Variants in BMPR1B observed in about 807,000 individuals in gnomAD.
BMPR1B encodes the protein bone morphogenetic protein receptor type 1B, also known as bone morphogenetic protein receptor type-1B.
BMPR1B carries 12 observed loss-of-function variants against 59.1 expected under a neutral mutation model. The ratio of observed to expected loss-of-function variants is 0.20; its 90% confidence interval spans 0.13 to 0.33. The LOEUF is 0.33. Among genes scored for constraint, BMPR1B ranks in the 10% least tolerant of loss-of-function variants. The pLI, the probability that BMPR1B is intolerant of heterozygous loss-of-function variation, is 1.00. For synonymous variants in BMPR1B, 237 were observed against 207.3 expected (o/e 1.14, Z -1.23); for missense variants, 550 against 610.9 (o/e 0.90, Z 1.05).
rs533134982 is a variant in BMPR1B at position 94,925,928 on chromosome 4, A to T, written c.-113+50028A>T. Among the ~76,000 whole-genome samples the T allele has an allele frequency of 5.9e-5, 9 of 152,106 alleles. No homozygotes were observed. In the South Asian group the frequency reaches 1.9e-3, roughly 32 times the overall value. ...TTTCAGCAATCCAATTTCACGCAGCAAAGATTACCTGCAAGGCACACATTT... is the reference window on the plus strand; with the variant it reads ...TTTCAGCAATCCAATTTCACGCAGCTAAGATTACCTGCAAGGCACACATTT... On this transcript the variant is annotated intron_variant, in intron 2 of 12. Transcript: ENST00000515059.
At chr4:95,138,047 G>C (rs967368436) in intron 10 of BMPR1B, among the ~76,000 whole-genome samples, 35 of 152,190 alleles carry the variant, frequency 2.3e-4, no homozygotes, top group Non-Finnish European at 4.7e-4. Context: ...GCTGCTACCG[G>C]TTGTTCCTTT....
intron 2 of BMPR1B, among the ~76,000 whole-genome samples, chr4:94,918,776 A>G (rs1728582247): frequency 6.6e-6 from 1 of 151,690 alleles, no homozygotes; most frequent in Non-Finnish European, 1.5e-5. Context: ...AATTCTCTTT[A>G]GTGTAACTAT....
intron 2 of BMPR1B, among the ~76,000 whole-genome samples, chr4:94,951,428 T>C (rs1486081437): frequency 1.3e-5 from 2 of 152,202 alleles, no homozygotes; most frequent in Admixed American, 6.5e-5. Flanking sequence ...ATAGCTCTTA[T>C]TATTTTGAGA....
intron 2 of BMPR1B, among the ~76,000 whole-genome samples, chr4:94,985,509 CTGTG>C (rs60003954): frequency 0.046 from 6,356 of 138,698 alleles, 266 homozygotes; most frequent in African/African-American, 0.1. Flanking sequence ...AAAATAAGAG[CTGTG>C]TGTGTGTGTG....
intron 10 of BMPR1B, among the ~76,000 whole-genome samples, chr4:95,143,622 G>A (rs1419787534): frequency 1.3e-5 from 2 of 152,100 alleles, no homozygotes; most frequent in Non-Finnish European, 2.9e-5. Flanking sequence ...CACCATGCTG[G>A]CATTTTCTAT....
intron 2 of BMPR1B, among the ~76,000 whole-genome samples, chr4:94,956,231 T>A (rs531392022): frequency 1.3e-4 from 20 of 152,220 alleles, no homozygotes; most frequent in Admixed American, 3.9e-4. Context: ...TTCTTTTTTT[T>A]AATTTTTAAT....
chr4:94,814,509 T>C (rs1723937591), intron 1 of BMPR1B, among the ~76,000 whole-genome samples: 1 of 152,204 alleles, frequency 6.6e-6, no homozygotes, highest in African/African-American at 2.4e-5. Flanking sequence ...TCTGCAATCA[T>C]GGGTTGGCTG....
chr4:94,857,191 A>G (rs1211929387), intron 1 of BMPR1B, among the ~76,000 whole-genome samples: 1 of 152,194 alleles, frequency 6.6e-6, no homozygotes, highest in African/African-American at 2.4e-5. Flanking sequence ...TAAAATATGA[A>G]AAAAAGGCCT....
chr4:94,902,086 T>TGG (rs745912953), intron 2 of BMPR1B, among the ~76,000 whole-genome samples: 11 of 111,982 alleles, frequency 9.8e-5, no homozygotes, highest in African/African-American at 2.0e-4. Flanking sequence ...TGTGTGTGTG[T>TGG]GGGGTGTATT....
chr4:94,784,714 C>G (rs1722701703), intron 1 of BMPR1B, among the ~76,000 whole-genome samples: 1 of 152,080 alleles, frequency 6.6e-6, no homozygotes, highest in African/African-American at 2.4e-5. Flanking sequence ...ATTTCTCTGC[C>G]CAGATTCATT....
At chr4:95,059,638 AC>A (rs1476755536) in intron 3 of BMPR1B, among the ~76,000 whole-genome samples, 2 of 151,690 alleles carry the variant, frequency 1.3e-5, no homozygotes, top group African/African-American at 4.8e-5. Flanking sequence ...GGTAAAAAAA[AC>A]AATTTTCTAT....
At chr4:94,836,476 T>A (rs1338786083) in intron 1 of BMPR1B, among the ~76,000 whole-genome samples, 79 of 144,318 alleles carry the variant, frequency 5.5e-4, no homozygotes, top group African/African-American at 1.9e-3. Flanking sequence ...GGTATCTCAT[T>A]GTGGTTTTGA....
intron 1 of BMPR1B, among the ~76,000 whole-genome samples, chr4:94,840,256 C>T (rs12381250): frequency 0.5 from 72,030 of 143,040 alleles, 19,628 homozygotes; most frequent in African/African-American, 0.69. Context: ...TTGCTCTTCT[C>T]GAGGAGTATC....
intron 3 of BMPR1B, among the ~76,000 whole-genome samples, chr4:95,100,840 C>T (rs754328297): frequency 2.6e-5 from 4 of 151,980 alleles, no homozygotes; most frequent in Non-Finnish European, 4.4e-5. Context: ...TTTATAGCAA[C>T]GTGTTCTTGT....
At position 94,820,636 on chromosome 4, in the gene BMPR1B, C is replaced by T. The variant is rs1560500367; in HGVS notation, c.-182-55195C>T. Among the ~76,000 whole-genome samples the T allele has an allele frequency of 4.6e-5, 7 of 152,240 alleles. No individual in the cohort carries two copies. The South Asian group carries it at 1.5e-3, about 32-fold the overall frequency. On this transcript the variant is annotated intron_variant, in intron 1 of 12. Transcript: ENST00000515059. ...AAAGAGATCAGAACTTTGAAGGATACGAATTTATTCAAAGAGCAGTTAGTT... is the reference window on the plus strand; with the variant it reads ...AAAGAGATCAGAACTTTGAAGGATATGAATTTATTCAAAGAGCAGTTAGTT...
chr4:94,887,236 C>CA lies in BMPR1B; in HGVS notation c.-113+11348dup, dbSNP rs35669478. Among the ~76,000 whole-genome samples, 729 of 141,956 alleles carry CA rather than the reference C, an allele frequency of 5.1e-3. 8 individuals are homozygous for CA. The East Asian group carries it at 0.059, about 12-fold the overall frequency. 93.1% of individuals were successfully genotyped at this position (141,956 alleles called of 152,430 possible). On this transcript the variant is annotated intron_variant, in intron 2 of 12. Transcript: ENST00000515059. ...GACACCTGGAATTTGCCAGATTGAC[C>CA]AAAAAAAAAAAAGGTGCCTTTAAAC... is the stretch of plus-strand genomic sequence containing the variant.
At chr4:95,147,435 C>T (rs552112182) in intron 10 of BMPR1B, among the ~76,000 whole-genome samples, 1 of 152,124 alleles carries the variant, frequency 6.6e-6, no homozygotes, top group African/African-American at 2.4e-5. Flanking sequence ...TTTCCTGAAG[C>T]CACTAGTGTT....
chr4:94,908,187 G>A (rs1728133219), intron 2 of BMPR1B, among the ~76,000 whole-genome samples: 1 of 150,422 alleles, frequency 6.6e-6, no homozygotes, highest in Non-Finnish European at 1.5e-5. Context: ...GAGACAAGAA[G>A]ATATTTTTCA....
chr4:95,136,716 C>G (rs150938423), intron 10 of BMPR1B, among the ~76,000 whole-genome samples: 67,173 of 152,020 alleles, frequency 0.44, 17,166 homozygotes, highest in Admixed American at 0.59. Flanking sequence ...ATAGTATTCT[C>G]TGATGTTAGT....
Sources: allele counts gnomAD v4.1 joint callset (sites outside exome capture counted in the v4.1 genomes callset), GRCh38; gene constraint gnomAD v4.1.1; transcripts MANE v1.5; gene names NCBI Gene and HGNC (gene_info 2026-07-23, HGNC 2026-07-21).